Variants in RYR2 observed in about 807,000 individuals in gnomAD.
RYR2 encodes cardiac muscle ryanodine receptor-calcium release channel.
Under a neutral mutation model 601.1 loss-of-function variants are expected in RYR2, and 227 were observed. The ratio of observed to expected loss-of-function variants is 0.38; its 90% CI spans 0.34 to 0.42. The LOEUF is 0.42. Among genes scored for constraint, RYR2 ranks in the 10% least tolerant of loss-of-function variants. RYR2 has a pLI of 1.00. For synonymous variants in RYR2, 2,223 were observed against 2,175.1 expected (o/e 1.02, Z -0.61); for missense variants, 4,646 against 6,156.5 (o/e 0.75, Z 8.21).
At chr1:237,552,158 C>T (rs1421180732) in intron 27 of RYR2, among the ~76,000 whole-genome samples, 1 of 152,092 alleles carries the variant, frequency 6.6e-6, no homozygotes, top group Non-Finnish European at 1.5e-5. Context: ...CATTATGAAT[C>T]AGTTGCTGTT....
At position 237,610,944 on chromosome 1, in the gene RYR2, G is replaced by A; in HGVS notation, c.4866G>A (p.Leu1622=). Residue 1622 remains leucine, a synonymous_variant, in exon 36 of 105, where the codon TTG becomes TTA. Coordinates refer to ENST00000366574, the MANE Select transcript of RYR2 (RefSeq NM_001035.3). The surrounding 1 kb of genome is among the most constrained non-coding windows in gnomAD (Gnocchi z 4.9). ...GCCAAGGCTGGTTGGTGCAGTGTTT[G>A]GATCCTCTGCAGTTCATGTCTCTTC... ...SERQGWLVQC[L]DPLQFMSLHI... is the part of the protein sequence containing the mutation. The A allele has an allele frequency of 6.2e-7, 1 of 1,613,456 alleles. No homozygotes were observed. The highest frequency in any genetic ancestry group is 8.5e-7 in the Non-Finnish European group (1 of 1,179,706).
chr1:237,454,355 C>T (rs766245545), intron 14 of RYR2, 36 bp from the exon 15 acceptor site: 3 of 1,549,572 alleles, frequency 1.9e-6, no homozygotes, highest in Non-Finnish European at 1.7e-6. Flanking sequence ...AATTGTGAAT[C>T]ACTGACAATA....
intron 8 of RYR2, among the ~76,000 whole-genome samples, chr1:237,383,236 C>T (rs759495674): frequency 1.3e-5 from 2 of 151,884 alleles, no homozygotes; most frequent in African/African-American, 2.4e-5. Flanking sequence ...GAAGTATAGT[C>T]TGTGTACTCC....
chr1:237,199,146 T>C (rs1304226277), intron 1 of RYR2, among the ~76,000 whole-genome samples: 2 of 152,124 alleles, frequency 1.3e-5, no homozygotes, highest in Non-Finnish European at 2.9e-5. Context: ...AGGATAGAGG[T>C]GCGACATTCT....
chr1:237,606,385 A>T (rs1335034191), intron 35 of RYR2, among the ~76,000 whole-genome samples: 1 of 152,194 alleles, frequency 6.6e-6, no homozygotes, highest in Non-Finnish European at 1.5e-5. Context: ...CTGAAACTGG[A>T]TCCCTTCCTT....
intron 8 of RYR2, among the ~76,000 whole-genome samples, chr1:237,385,289 T>C (rs371844838): frequency 3.3e-5 from 5 of 152,338 alleles, no homozygotes; most frequent in African/African-American, 1.2e-4. Flanking sequence ...TGCATATACA[T>C]ACACAAAATA....
intron 2 of RYR2, among the ~76,000 whole-genome samples, chr1:237,330,619 C>A (rs1696614817): frequency 1.3e-5 from 2 of 152,306 alleles, no homozygotes; most frequent in East Asian, 3.9e-4. Context: ...AACTCCTGAC[C>A]TCAGGTGATC....
chr1:237,456,913 C>T (rs1658902980), intron 16 of RYR2, among the ~76,000 whole-genome samples, 178 bp downstream of exon 16: 1 of 151,902 alleles, frequency 6.6e-6, no homozygotes, highest in Admixed American at 6.6e-5. Flanking sequence ...CCCATCTCTA[C>T]AAAAAATAAA....
At chr1:237,194,777 G>T (rs1170061701) in intron 1 of RYR2, among the ~76,000 whole-genome samples, 1 of 152,172 alleles carries the variant, frequency 6.6e-6, no homozygotes, top group Non-Finnish European at 1.5e-5. Flanking sequence ...AGTTTGAAGA[G>T]GTTTTAGCTG....
chr1:237,820,639 T>A (rs1293614759), intron 101 of RYR2, among the ~76,000 whole-genome samples: 1 of 152,126 alleles, frequency 6.6e-6, no homozygotes, highest in Non-Finnish European at 1.5e-5. Context: ...GTTTTTTTCA[T>A]ATACCAGTGG....
At chr1:237,717,109 A>C in intron 71 of RYR2, 89 bp from the exon 72 acceptor site, 3 of 1,146,440 alleles carry the variant, frequency 2.6e-6, no homozygotes, top group Non-Finnish European at 3.8e-6. Context: ...AAAATGAGGA[A>C]GATGAAGTGA....
At chr1:237,662,409 T>C (rs753084870) in intron 56 of RYR2, among the ~76,000 whole-genome samples, 1 of 151,770 alleles carries the variant, frequency 6.6e-6, no homozygotes, top group Non-Finnish European at 1.5e-5. Context: ...TAAGGTCAAG[T>C]TAAATCTACT....
intron 17 of RYR2, among the ~76,000 whole-genome samples, chr1:237,474,201 A>ATATGTGTG (rs1558879970): frequency 1.4e-5 from 2 of 141,174 alleles, no homozygotes; most frequent in South Asian, 2.4e-4. Context: ...GTGTGTATAT[A>ATATGTGTG]TGTGTGTGTG....
intron 1 of RYR2, among the ~76,000 whole-genome samples, chr1:237,178,890 A>G (rs201136959): frequency 6.6e-6 from 1 of 152,132 alleles, no homozygotes. Context: ...TTTATGTACT[A>G]TGTGGTGTGA....
In RYR2 at chr1:237,404,664, A is replaced by T. The variant is rs528193358; in HGVS notation, c.774-12385A>T. ...TGACGGACTTCATTCCCATGACTAGATTACATTATTTGACAAAGCTGAAAG... is the reference window on the plus strand; with the variant it reads ...TGACGGACTTCATTCCCATGACTAGTTTACATTATTTGACAAAGCTGAAAG... On this transcript the variant is annotated intron_variant, in intron 10 of 104. Transcript: ENST00000366574. Among the ~76,000 whole-genome samples the T allele has an allele frequency of 5.3e-5, 8 of 152,252 alleles. No homozygotes were observed. In the East Asian group the frequency reaches 7.7e-4, roughly 15 times the overall value.
At chr1:237,496,142 T>C (rs1056125486) in intron 19 of RYR2, among the ~76,000 whole-genome samples, 4 of 152,194 alleles carry the variant, frequency 2.6e-5, no homozygotes, top group Non-Finnish European at 5.9e-5. Flanking sequence ...CGGTGGCTCA[T>C]GCCTGTTATT....
In RYR2 at chr1:237,387,355, C is replaced by A. The variant is rs772628872; in HGVS notation, c.651C>A (p.Ile217=). 9.9e-6 allele frequency: 16 copies of A among 1,613,896 alleles called. No homozygotes were observed. The Admixed American group carries it at 2.5e-4, about 25-fold the overall frequency. The change falls in exon 9 of 105, where the codon ATC becomes ATA. Residue 217 remains isoleucine, a synonymous_variant. Transcript: ENST00000366574. ...AGACTCTCTGGAGCGTGGCCCCAAT[C>A]AGCTCAGGAAGTGAGGCAGCCCAAG... ...FQQTLWSVAP[I]SSGSEAAQGY...
At chr1:237,379,296 C>A (rs1399289807) in intron 8 of RYR2, among the ~76,000 whole-genome samples, 2 of 152,152 alleles carry the variant, frequency 1.3e-5, no homozygotes, top group Non-Finnish European at 2.9e-5. Flanking sequence ...TCATTATGCA[C>A]TGAAAAATGG....
intron 3 of RYR2, among the ~76,000 whole-genome samples, chr1:237,334,709 T>G (rs531526357): frequency 3.3e-5 from 5 of 152,256 alleles, no homozygotes; most frequent in Admixed American, 3.3e-4. Flanking sequence ...ACATTCTGGC[T>G]TCTGCTGTTC....
Sources: gnomAD v4.1 joint callset for allele counts (sites outside exome capture counted in the v4.1 genomes callset) on GRCh38, gnomAD v4.1.1 for gene constraint, Gnocchi (gnomAD v3.1) non-coding constraint, MANE v1.5 for transcripts, NCBI Gene and HGNC (gene_info 2026-07-23, HGNC 2026-07-21) for gene names.